Variants in IL1R1 observed in about 807,000 individuals in gnomAD.
The protein encoded by IL1R1 is interleukin-1 receptor type 1.
In IL1R1, 22 loss-of-function variants were observed where a neutral mutation model predicts 50.2. That is an observed-to-expected ratio of 0.44 (90% CI 0.31 to 0.63). The LOEUF (loss-of-function observed/expected upper bound fraction) is 0.63, where lower values mean the gene tolerates loss of function less well. IL1R1 is among the 20% of genes least tolerant of loss of function. IL1R1 has a pLI of 0.07. For synonymous variants in IL1R1, 251 were observed against 236.7 expected (o/e 1.06, Z -0.55); for missense variants, 509 against 676.2 (o/e 0.75, Z 2.74).
At chr2:102,143,760 G>T (rs1559485001) in intron 1 of IL1R1, among the ~76,000 whole-genome samples, 1 of 152,226 alleles carries the variant, frequency 6.6e-6, no homozygotes, top group Non-Finnish European at 1.5e-5. Context: ...CGGGAGGAAG[G>T]AAGGCCGCTG....
intron 1 of IL1R1, among the ~76,000 whole-genome samples, chr2:102,115,330 T>C (rs1681009729): frequency 6.6e-6 from 1 of 152,208 alleles, no homozygotes; most frequent in African/African-American, 2.4e-5. Flanking sequence ...TTTAGGACCA[T>C]TTCCTCAGAA....
chr2:102,166,762 T>A (rs918268047), intron 6 of IL1R1, among the ~76,000 whole-genome samples: 8 of 152,144 alleles, frequency 5.3e-5, no homozygotes, highest in African/African-American at 1.4e-4. Context: ...TGTTTCCTCT[T>A]CTGTAACAAG....
chr2:102,169,394 A>C (rs951192), intron 7 of IL1R1, among the ~76,000 whole-genome samples: 45,014 of 152,102 alleles, frequency 0.3, 7,036 homozygotes, highest in East Asian at 0.48. Flanking sequence ...CATTTAGTTA[A>C]ATTAAAAATT....
intron 3 of IL1R1, among the ~76,000 whole-genome samples, chr2:102,163,029 T>C (rs1684866640): frequency 1.3e-5 from 2 of 152,194 alleles, no homozygotes; most frequent in Non-Finnish European, 2.9e-5. Context: ...TATGGAATTC[T>C]AGGTAGACTT....
chr2:102,163,594 G>C (rs929963544), intron 3 of IL1R1, among the ~76,000 whole-genome samples: 2 of 151,910 alleles, frequency 1.3e-5, no homozygotes, highest in Non-Finnish European at 2.9e-5. Context: ...AATCATGTTT[G>C]ATCTTTCCTG....
Position 102,171,805 on chromosome 2 carries a change from C to T in IL1R1, c.726C>T (p.Ser242=). Residue 242 remains serine (S), a synonymous_variant, in exon 8 of 12, where the codon TCC becomes TCT. Coordinates refer to ENST00000410023, the MANE Select transcript of IL1R1 (RefSeq NM_000877.4). ...ANETMEVDLG[S]QIQLICNVTG... ...TTAAAAATACATTCTTTGCAGGATC[C>T]CAGATACAATTGATCTGTAATGTCA... is the stretch of plus-strand genomic sequence containing the variant. 1 of 1,567,022 alleles carries T rather than the reference C, an allele frequency of 6.4e-7. No homozygotes were observed. The highest frequency in any genetic ancestry group is 8.8e-7 in the Non-Finnish European group (1 of 1,141,880).
At chr2:102,116,518 G>T (rs1291241796) in intron 1 of IL1R1, among the ~76,000 whole-genome samples, 7 of 152,116 alleles carry the variant, frequency 4.6e-5, no homozygotes, top group African/African-American at 1.7e-4. Flanking sequence ...ACATCCAATT[G>T]CTCTTCCATG....
At chr2:102,093,370 G>C (rs1188151604) in intron 1 of IL1R1, among the ~76,000 whole-genome samples, 1 of 152,196 alleles carries the variant, frequency 6.6e-6, no homozygotes, top group African/African-American at 2.4e-5. Context: ...GAAGTAGAAT[G>C]TCTAGATTAG....
rs1419749814 is a variant in IL1R1 at position 102,128,855 on chromosome 2, G to A, written c.-84+23983G>A. 2.6e-5 allele frequency among the ~76,000 whole-genome samples: 4 copies of A among 152,066 alleles called. No individual in the cohort carries two copies. The East Asian group carries it at 7.7e-4, about 29-fold the overall frequency. On this transcript the variant is annotated intron_variant, in intron 1 of 10. Coordinates refer to the IL1R1 transcript ENST00000409329. The stretch of plus-strand genomic sequence containing the variant: ...CCCGGTTCAGTTATTTTACTCATTG[G>A]GTAATCTTGGGCAAGTTCCTTAACT...
At chr2:102,092,676 G>A (rs955668853) in intron 1 of IL1R1, among the ~76,000 whole-genome samples, 4 of 152,112 alleles carry the variant, frequency 2.6e-5, no homozygotes, top group African/African-American at 9.7e-5. Flanking sequence ...GCAAAGGGGA[G>A]CATGTTTATG....
rs118176690 is a variant in IL1R1 at position 102,071,054 on chromosome 2, A to C, written c.-84+521A>C. 6.4e-4 allele frequency among the ~76,000 whole-genome samples: 98 copies of C among 152,332 alleles called. No homozygotes were observed. The East Asian group carries it at 0.016, about 25-fold the overall frequency. On this transcript the variant is annotated intron_variant, in intron 1 of 11. Coordinates refer to the IL1R1 transcript ENST00000409929. ...GTAAATTGATCTTATGTAAAAAAAAACACTAAGATATTTGAAGACTAGGCA... is the reference window on the plus strand; with the variant it reads ...GTAAATTGATCTTATGTAAAAAAAACCACTAAGATATTTGAAGACTAGGCA...
At chr2:102,082,446 T>A (rs970770881) in intron 1 of IL1R1, among the ~76,000 whole-genome samples, 10 of 152,174 alleles carry the variant, frequency 6.6e-5, no homozygotes, top group Admixed American at 2.6e-4. Context: ...AGGTGGGACA[T>A]TTGCTTTCTT....
intron 1 of IL1R1, among the ~76,000 whole-genome samples, chr2:102,126,563 A>C (rs1025277653): frequency 2.6e-5 from 4 of 151,312 alleles, no homozygotes; most frequent in Admixed American, 6.6e-5. Context: ...TTTTATCTCC[A>C]TTGAGGTCTG....
chr2:102,081,900 A>G (rs2041751), intron 1 of IL1R1, among the ~76,000 whole-genome samples: 45,653 of 152,152 alleles, frequency 0.3, 7,256 homozygotes, highest in Non-Finnish European at 0.34. Context: ...CTTTGGAAGA[A>G]TGAAAGAGAG....
chr2:102,096,740 A>G (rs1679919920), intron 1 of IL1R1, among the ~76,000 whole-genome samples: 1 of 152,022 alleles, frequency 6.6e-6, no homozygotes, highest in South Asian at 2.1e-4. Flanking sequence ...ATCTTTATAT[A>G]TTTTAAAGCC....
At chr2:102,173,249 T>C (rs1685843745) in intron 9 of IL1R1, among the ~76,000 whole-genome samples, 2 of 152,212 alleles carry the variant, frequency 1.3e-5, no homozygotes, top group African/African-American at 4.8e-5. Context: ...TGATGATGCA[T>C]AGGGTAAGAC....
chr2:102,091,235 T>A (rs1039011721), intron 1 of IL1R1, among the ~76,000 whole-genome samples: 1 of 152,224 alleles, frequency 6.6e-6, no homozygotes, highest in Admixed American at 6.5e-5. Flanking sequence ...CAGGGCTTCT[T>A]CTAGTAGTTT....
intron 3 of IL1R1, among the ~76,000 whole-genome samples, chr2:102,159,271 T>C (rs1487792781): frequency 6.6e-6 from 1 of 152,190 alleles, no homozygotes; most frequent in Non-Finnish European, 1.5e-5. Context: ...TGGAGTGTAG[T>C]TAGGAAAGAT....
intron 1 of IL1R1, among the ~76,000 whole-genome samples, chr2:102,120,325 C>T (rs887945217): frequency 5.3e-5 from 8 of 151,746 alleles, no homozygotes; most frequent in Non-Finnish European, 7.4e-5. Flanking sequence ...TGTGAATGTA[C>T]GTGTTTGTTG....
Sources: gnomAD v4.1 joint callset for allele counts (sites outside exome capture counted in the v4.1 genomes callset) on GRCh38, gnomAD v4.1.1 for gene constraint, MANE v1.5 for transcripts, NCBI Gene and HGNC (gene_info 2026-07-23, HGNC 2026-07-21) for gene names.